The following PPP2R2B variants were observed in gnomAD, a reference collection of about 807,000 sequenced individuals.
PPP2R2B encodes protein phosphatase 2 regulatory subunit Bbeta.
In PPP2R2B, 5 loss-of-function variants were observed where a neutral mutation model predicts 46.0. The ratio of observed to expected loss-of-function variants is 0.11; its 90% CI spans 0.06 to 0.23. The LOEUF (loss-of-function observed/expected upper bound fraction) is 0.23, where lower values mean the gene tolerates loss of function less well. Among genes scored for constraint, PPP2R2B ranks in the 10% least tolerant of loss-of-function variants. PPP2R2B has a pLI of 1.00. For synonymous variants in PPP2R2B, 215 were observed against 206.7 expected, an observed-to-expected ratio of 1.04 and a Z score of -0.34; for missense variants, 367 against 575.0, an observed-to-expected ratio of 0.64 and a Z score of 3.70.
intron 2 of PPP2R2B, among the ~76,000 whole-genome samples, chr5:146,874,988 C>A (rs1049817754): frequency 6.6e-6 from 1 of 152,162 alleles, no homozygotes; most frequent in Non-Finnish European, 1.5e-5. Flanking sequence ...AAAACCATTG[C>A]AATCTTTCCC....
At chr5:147,017,304 T>A (rs983454246) in intron 1 of PPP2R2B, among the ~76,000 whole-genome samples, 6 of 151,544 alleles carry the variant, frequency 4.0e-5, no homozygotes, top group Admixed American at 1.3e-4. Flanking sequence ...TCATAGGACA[T>A]CTTTGAAGAG....
chr5:146,686,607 C>T (rs535505529), intron 5 of PPP2R2B, among the ~76,000 whole-genome samples: 83 of 149,022 alleles, frequency 5.6e-4, no homozygotes, highest in African/African-American at 1.8e-3. Context: ...AAAATCCATT[C>T]GAAAAATTGT....
chr5:146,940,794 T>G (rs1160511626), intron 1 of PPP2R2B, among the ~76,000 whole-genome samples: 1 of 152,216 alleles, frequency 6.6e-6, no homozygotes, highest in East Asian at 1.9e-4. Context: ...TGTGTTCCAC[T>G]GAATTCTCTA....
intron 2 of PPP2R2B, among the ~76,000 whole-genome samples, chr5:146,724,314 GGT>G (rs2151197628): frequency 7.3e-6 from 1 of 136,936 alleles, no homozygotes; most frequent in East Asian, 2.3e-4. Context: ...GACTGTCATA[GGT>G]TTTTTTTTTT....
chr5:146,736,387 G>T (rs1461293799), intron 2 of PPP2R2B, among the ~76,000 whole-genome samples: 2 of 152,072 alleles, frequency 1.3e-5, no homozygotes, highest in East Asian at 1.9e-4. Context: ...ACATGCATTT[G>T]CTCCTTCAGT....
At chr5:146,690,473 T>A (rs1778781166) in intron 5 of PPP2R2B, among the ~76,000 whole-genome samples, 1 of 152,206 alleles carries the variant, frequency 6.6e-6, no homozygotes, top group Non-Finnish European at 1.5e-5. Flanking sequence ...ATTTGTATAT[T>A]AGTCTTACAA....
chr5:146,925,249 T>C (rs1171088985), intron 1 of PPP2R2B, among the ~76,000 whole-genome samples: 1 of 152,254 alleles, frequency 6.6e-6, no homozygotes, highest in East Asian at 1.9e-4. Context: ...TCTTCATTTT[T>C]TCCTGTGGAT....
intron 1 of PPP2R2B, among the ~76,000 whole-genome samples, chr5:146,956,235 A>T (rs1582493977): frequency 6.6e-6 from 1 of 151,626 alleles, no homozygotes; most frequent in African/African-American, 2.4e-5. Flanking sequence ...TTTCCATTCA[A>T]TTTTTTTCAT....
intron 7 of PPP2R2B, among the ~76,000 whole-genome samples, chr5:146,618,053 T>C (rs1007889325): frequency 7.9e-5 from 12 of 152,048 alleles, no homozygotes; most frequent in African/African-American, 2.7e-4. Flanking sequence ...TCCCCAAATA[T>C]GTCTACACCC....
intron 2 of PPP2R2B, among the ~76,000 whole-genome samples, chr5:146,812,815 A>ATATATATATATATATATATATATATATG (rs1757697670): frequency 8.4e-5 from 3 of 35,636 alleles, no homozygotes; most frequent in Non-Finnish European, 1.3e-4. Flanking sequence ...ATATATATAT[A>ATATATATATATATATATATATATATATG]TATATATATA....
intron 4 of PPP2R2B, 70 bp from the exon 5 acceptor site, chr5:146,691,310 G>T: frequency 7.9e-7 from 1 of 1,267,872 alleles, no homozygotes; most frequent in Non-Finnish European, 1.1e-6. Flanking sequence ...TTTCCTGGGG[G>T]CAATGGGGAG....
Position 146,584,970 on chromosome 5 carries a change from C to T in PPP2R2B, c.*4977G>A, listed in dbSNP as rs867173199. The T allele has an allele frequency of 6.6e-6, 1 of 152,144 alleles. No individual in the cohort carries two copies. Among genetic ancestry groups the T allele is most frequent in the Non-Finnish European group, 1.5e-5 (1 of 68,024 alleles). 9.4% of individuals were successfully genotyped at this position (152,144 alleles called of 1,614,324 possible). On this transcript the variant is annotated 3_prime_UTR_variant, in exon 10 of 10. Coordinates refer to ENST00000394411, the MANE Select transcript of PPP2R2B (RefSeq NM_181675.4). ...TGCTTAGATGACACATTCTGAGAAC[C>T]TTTTCTTATCACTCATTGATTAACT...
chr5:146,961,124 T>A (rs777388098), intron 1 of PPP2R2B, among the ~76,000 whole-genome samples: 1 of 152,214 alleles, frequency 6.6e-6, no homozygotes, highest in African/African-American at 2.4e-5. Flanking sequence ...ACTGTAAATA[T>A]GTATTTGCAT....
At chr5:147,071,993 C>A (rs1757614292) in intron 2 of PPP2R2B, among the ~76,000 whole-genome samples, 1 of 152,212 alleles carries the variant, frequency 6.6e-6, no homozygotes, top group Admixed American at 6.5e-5. Flanking sequence ...CTATGCCCTG[C>A]ATTTTCAAGA....
chr5:146,789,071 C>A (rs1056221470), intron 2 of PPP2R2B, among the ~76,000 whole-genome samples: 1 of 152,102 alleles, frequency 6.6e-6, no homozygotes, highest in African/African-American at 2.4e-5. Flanking sequence ...AACTCAGGTC[C>A]CTAAGGAGCG....
At chr5:146,742,572 G>A (rs1292469476) in intron 2 of PPP2R2B, among the ~76,000 whole-genome samples, 2 of 152,062 alleles carry the variant, frequency 1.3e-5, no homozygotes, top group African/African-American at 4.8e-5. Context: ...ATTCTCTGCA[G>A]GGTAGAGAAT....
At chr5:146,701,192 A>G in intron 2 of PPP2R2B, 50 bp from the exon 3 acceptor site, 1 of 1,402,498 alleles carries the variant, frequency 7.1e-7, no homozygotes, top group Non-Finnish European at 1.0e-6. Context: ...ACTTACTTTG[A>G]AAGGATAGAT....
intron 2 of PPP2R2B, among the ~76,000 whole-genome samples, chr5:146,716,272 C>T (rs991124678): frequency 1.3e-5 from 2 of 152,150 alleles, no homozygotes; most frequent in Non-Finnish European, 2.9e-5. Context: ...TTCTTCCTCA[C>T]AAAAACTGTA....
At chr5:146,704,404 T>TTTAAA (rs1315701748) in intron 2 of PPP2R2B, among the ~76,000 whole-genome samples, 1 of 152,242 alleles carries the variant, frequency 6.6e-6, no homozygotes, top group Non-Finnish European at 1.5e-5. Flanking sequence ...AAGTTCAACA[T>TTTAAA]GGCTTTCACC....
Sources: allele counts gnomAD v4.1 joint callset (sites outside exome capture counted in the v4.1 genomes callset), GRCh38; gene constraint gnomAD v4.1.1; transcripts MANE v1.5; gene names NCBI Gene and HGNC (gene_info 2026-07-23, HGNC 2026-07-21).